Variants in FA2H observed in about 807,000 individuals in gnomAD.
FA2H encodes fatty acid alpha-hydroxylase.
A neutral mutation model predicts 44.9 loss-of-function variants in FA2H; 22 were observed. The observed-to-expected ratio is 0.49, with a 90% confidence interval of 0.35 to 0.70. FA2H has a LOEUF of 0.70. FA2H is among the 30% of genes least tolerant of loss of function. The pLI is 0.01. For missense variants in FA2H, 501 were observed against 504.9 expected (o/e 0.99, Z 0.07); for synonymous variants, 243 against 213.2 (o/e 1.14, Z -1.22).
rs555997096 is a variant in FA2H at position 74,745,631 on chromosome 16, T to A, written c.271-5516A>T. The stretch of plus-strand genomic sequence containing the variant: ...GGTAGGGAGGGCACTTCAACCTCCT[T>A]AGAGCCTTCCAGCCACAGTCCAAGG... On this transcript the variant is annotated intron_variant, in intron 1 of 6. Coordinates refer to ENST00000219368, the MANE Select transcript of FA2H (RefSeq NM_024306.5). Among the ~76,000 whole-genome samples, 16 of 152,194 alleles carry A rather than the reference T, an allele frequency of 1.1e-4. No individual in the cohort carries two copies. In the South Asian group the frequency reaches 2.7e-3, roughly 26 times the overall value.
intron 1 of FA2H, among the ~76,000 whole-genome samples, chr16:74,740,515 G>T (rs1315450507): frequency 6.6e-6 from 1 of 151,522 alleles, no homozygotes; most frequent in Non-Finnish European, 1.5e-5. Context: ...AGCTACTCAG[G>T]AGGCTGAGGC....
Position 74,714,146 on chromosome 16 carries a change from G to C in FA2H, c.*44C>G, listed in dbSNP as rs1361791192. 4 of 1,306,350 alleles carry C rather than the reference G, an allele frequency of 3.1e-6. No individual in the cohort carries two copies. The highest frequency in any genetic ancestry group is 4.3e-6 in the Non-Finnish European group (4 of 925,360). The allele number at this position is 1,306,350 out of a possible 1,614,324, so 80.9% of individuals were successfully genotyped here. A position where few individuals can be genotyped will look rare whatever the true frequency, so the allele number is the denominator to read the frequency against. On this transcript the variant is annotated 3_prime_UTR_variant, in exon 7 of 7. Transcript: ENST00000219368. ...TGAATGGCGGGTGGGGGTCGGGAAG[G>C]GGCCAGGGCCGGGCTGAGGGCAGGA... is the stretch of plus-strand genomic sequence containing the variant.
At chr16:74,742,273 G>A (rs11643479) in intron 1 of FA2H, among the ~76,000 whole-genome samples, 62,863 of 151,960 alleles carry the variant, frequency 0.41, 13,265 homozygotes, top group East Asian at 0.63. Context: ...CCTTGGGGAT[G>A]TGAAACAAAT....
At chr16:74,728,397 G>T (rs1319845619) in intron 2 of FA2H, among the ~76,000 whole-genome samples, 1 of 152,212 alleles carries the variant, frequency 6.6e-6, no homozygotes, top group Non-Finnish European at 1.5e-5. Flanking sequence ...CCGGGTCACG[G>T]TAGGCGAGGA....
intron 1 of FA2H, among the ~76,000 whole-genome samples, chr16:74,747,867 C>T (rs557678636): frequency 6.6e-6 from 1 of 152,306 alleles, no homozygotes; most frequent in Admixed American, 6.5e-5. Flanking sequence ...AAACCTGTAA[C>T]AAGGCCTGAA....
chr16:74,730,718 G>T (rs1962055800), intron 2 of FA2H, among the ~76,000 whole-genome samples: 1 of 152,194 alleles, frequency 6.6e-6, no homozygotes, highest in South Asian at 2.1e-4. Flanking sequence ...CTTTGTCCCA[G>T]CTACAGTAGC....
chr16:74,763,113 T>C (rs1333235914), intron 1 of FA2H, among the ~76,000 whole-genome samples: 1 of 152,234 alleles, frequency 6.6e-6, no homozygotes, highest in East Asian at 1.9e-4. Context: ...AGTGTAGGCC[T>C]TGATCAAACT....
At chr16:74,766,586 C>G (rs974481305) in intron 1 of FA2H, among the ~76,000 whole-genome samples, 1 of 151,812 alleles carries the variant, frequency 6.6e-6, no homozygotes, top group Non-Finnish European at 1.5e-5. Context: ...GTGAGTGTAG[C>G]GAGGCTCTAG....
chr16:74,716,313 C>CAT (rs1567632299), intron 6 of FA2H, 34 bp downstream of exon 6: 1 of 1,610,232 alleles, frequency 6.2e-7, no homozygotes, highest in East Asian at 2.2e-5. Context: ...AATGAACACA[C>CAT]ATAGGGGGCT....
At chr16:74,740,238 G>A in intron 1 of FA2H, 123 bp from the exon 2 acceptor site, 1 of 769,278 alleles carries the variant, frequency 1.3e-6, no homozygotes, top group Non-Finnish European at 2.4e-6. Context: ...CAGGGTGGTG[G>A]AGATCAAGGA....
At chr16:74,721,140 G>C (rs547229279) in intron 4 of FA2H, among the ~76,000 whole-genome samples, 1 of 152,202 alleles carries the variant, frequency 6.6e-6, no homozygotes, top group East Asian at 1.9e-4. Context: ...AGAATAGCCA[G>C]ACTGTTTTCC....
At chr16:74,751,463 G>C (rs944570981) in intron 1 of FA2H, among the ~76,000 whole-genome samples, 5 of 152,016 alleles carry the variant, frequency 3.3e-5, no homozygotes, top group African/African-American at 1.2e-4. Flanking sequence ...AACTGGTGAC[G>C]CCTGGTGGGT....
chr16:74,715,030 G>A (rs1427298429), intron 6 of FA2H, among the ~76,000 whole-genome samples: 1 of 151,874 alleles, frequency 6.6e-6, no homozygotes. Flanking sequence ...TAGAGAGGGG[G>A]TTTCAACATG....
chr16:74,763,183 T>C (rs1962744166), intron 1 of FA2H, among the ~76,000 whole-genome samples: 1 of 152,224 alleles, frequency 6.6e-6, no homozygotes, highest in African/African-American at 2.4e-5. Flanking sequence ...ATTTCATAGA[T>C]TTCTGTTATT....
chr16:74,743,340 A>T (rs1166481592), intron 1 of FA2H, among the ~76,000 whole-genome samples: 2 of 152,242 alleles, frequency 1.3e-5, no homozygotes, highest in Admixed American at 6.5e-5. Flanking sequence ...AAATTACAAA[A>T]ATCCTGTTTC....
chr16:74,733,396 C>T (rs879115302), intron 2 of FA2H, among the ~76,000 whole-genome samples: 2 of 152,092 alleles, frequency 1.3e-5, no homozygotes, highest in Admixed American at 6.5e-5. Context: ...AGAGGTCAAG[C>T]GGCTCTTGAG....
intron 1 of FA2H, among the ~76,000 whole-genome samples, chr16:74,740,498 T>G (rs561665355): frequency 3.3e-5 from 5 of 151,556 alleles, no homozygotes; most frequent in Non-Finnish European, 1.5e-5. Flanking sequence ...TGCGCCCCTG[T>G]AATCCCAGCT....
intron 2 of FA2H, among the ~76,000 whole-genome samples, chr16:74,730,489 G>A (rs964093059): frequency 2.0e-5 from 3 of 152,144 alleles, no homozygotes; most frequent in Non-Finnish European, 4.4e-5. Context: ...AGCAAGTGGA[G>A]TCATTGGAAG....
At chr16:74,737,662 T>A (rs1962208497) in intron 2 of FA2H, among the ~76,000 whole-genome samples, 1 of 152,160 alleles carries the variant, frequency 6.6e-6, no homozygotes. Flanking sequence ...AGGACTCCAG[T>A]CTTTGGCAGC....
Sources: gnomAD v4.1 joint callset for allele counts (sites outside exome capture counted in the v4.1 genomes callset) on GRCh38, gnomAD v4.1.1 for gene constraint, MANE v1.5 for transcripts, NCBI Gene and HGNC (gene_info 2026-07-23, HGNC 2026-07-21) for gene names.